Variants in RAB33B observed in about 807,000 individuals in gnomAD.
RAB33B encodes RAB33B, member RAS oncogene family, also known as ras-related protein Rab-33B.
A neutral mutation model predicts 15.0 loss-of-function variants in RAB33B; 6 were observed. That is an observed-to-expected ratio of 0.40 (90% confidence interval 0.22 to 0.79). RAB33B has a LOEUF of 0.79. Ranked by LOEUF, RAB33B falls within the 30% of genes least tolerant of loss-of-function variation. The pLI, the probability that RAB33B is intolerant of heterozygous loss-of-function variation, is 0.37. For synonymous variants in RAB33B, 117 were observed against 108.3 expected (o/e 1.08, Z -0.50); for missense variants, 257 against 296.4 (o/e 0.87, Z 0.98).
At chr4:139,472,014 GAT>G (rs1750401712) in intron 1 of RAB33B, among the ~76,000 whole-genome samples, 1 of 152,122 alleles carries the variant, frequency 6.6e-6, no homozygotes, top group African/African-American at 2.4e-5. Context: ...GTTGACCATA[GAT>G]ATATGGGTTC....
Position 139,473,169 on chromosome 4 carries a change from A to G in RAB33B, c.*43A>G. ...ATTATCTAATTTTGACTAAAGAAATACTTTTGAAGTATGACAGTATTAAGT... is the reference window on the plus strand; with the variant it reads ...ATTATCTAATTTTGACTAAAGAAATGCTTTTGAAGTATGACAGTATTAAGT... On this transcript the variant is annotated 3_prime_UTR_variant, in exon 2 of 2. Transcript: ENST00000305626. 1.4e-6 allele frequency: 2 copies of G among 1,473,816 alleles called. No homozygotes were observed. Among genetic ancestry groups the G allele is most frequent in the Non-Finnish European group, 9.1e-7 (1 of 1,095,374 alleles). The allele number at this position is 1,473,816 out of a possible 1,614,324, so 91.3% of individuals were successfully genotyped here.
At chr4:139,465,081 C>G (rs1205279410) in intron 1 of RAB33B, among the ~76,000 whole-genome samples, 1 of 152,324 alleles carries the variant, frequency 6.6e-6, no homozygotes, top group Admixed American at 6.5e-5. Flanking sequence ...GATCGCCATT[C>G]TAACTGGTGT....
chr4:139,470,310 A>C (rs1214623636), intron 1 of RAB33B, among the ~76,000 whole-genome samples: 2 of 152,100 alleles, frequency 1.3e-5, no homozygotes, highest in African/African-American at 4.8e-5. Context: ...AAGACAGAGG[A>C]GCTTCCCACT....
intron 1 of RAB33B, among the ~76,000 whole-genome samples, chr4:139,471,776 G>A (rs184195808): frequency 1.3e-5 from 2 of 152,162 alleles, no homozygotes; most frequent in East Asian, 3.9e-4. Flanking sequence ...TCCTTTGATT[G>A]CTTTTACTTT....
chr4:139,441,223 G>C, the RAB33B span, among the ~76,000 whole-genome samples: 2 of 152,162 alleles, frequency 1.3e-5, no homozygotes, highest in African/African-American at 4.8e-5. Context: ...ACAACTACAT[G>C]ATCACTTTCA....
intron 1 of RAB33B, among the ~76,000 whole-genome samples, chr4:139,459,458 C>G (rs1357350417): frequency 6.6e-6 from 1 of 151,926 alleles, no homozygotes; most frequent in Admixed American, 6.6e-5. Context: ...AAAGAGTCTC[C>G]TCACACCTCC....
At chr4:139,461,784 A>T (rs1010006259) in intron 1 of RAB33B, among the ~76,000 whole-genome samples, 1 of 151,910 alleles carries the variant, frequency 6.6e-6, no homozygotes, top group Non-Finnish European at 1.5e-5. Flanking sequence ...TTTAAAAAAA[A>T]TTTTGACCAG....
intron 1 of RAB33B, among the ~76,000 whole-genome samples, chr4:139,470,355 T>C (rs544212443): frequency 1.6e-3 from 247 of 152,352 alleles, no homozygotes; most frequent in African/African-American, 5.7e-3. Flanking sequence ...TGAGGAGTAC[T>C]GCCAGACTAC....
At chr4:139,457,033 CT>C in intron 1 of RAB33B, among the ~76,000 whole-genome samples, 1 of 152,126 alleles carries the variant, frequency 6.6e-6, no homozygotes, top group Non-Finnish European at 1.5e-5. Context: ...TATTACTTTA[CT>C]AGTAAAATGC....
chr4:139,448,581 T>G (rs1381640131), upstream of RAB33B: 1 of 152,158 alleles, frequency 6.6e-6, no homozygotes, highest in African/African-American at 2.4e-5. Context: ...ATTACAGGCA[T>G]GCACCACCAT....
At chr4:139,461,485 A>G (rs1750169543) in intron 1 of RAB33B, among the ~76,000 whole-genome samples, 1 of 152,176 alleles carries the variant, frequency 6.6e-6, no homozygotes, top group South Asian at 2.1e-4. Flanking sequence ...AGGGTTGCAT[A>G]TATTAAATAA....
chr4:139,467,833 G>A (rs1038192780), intron 1 of RAB33B, among the ~76,000 whole-genome samples: 1 of 151,114 alleles, frequency 6.6e-6, no homozygotes, highest in African/African-American at 2.4e-5. Flanking sequence ...ATTCCAGCCT[G>A]GGCAATAGAG....
the RAB33B span, among the ~76,000 whole-genome samples, chr4:139,441,652 T>C: frequency 6.6e-6 from 1 of 152,238 alleles, no homozygotes; most frequent in African/African-American, 2.4e-5. Context: ...AAACACACTT[T>C]TGACATATTA....
chr4:139,474,209 C>T lies in RAB33B; in HGVS notation c.*1083C>T, dbSNP rs1007643674. ...TGAGTCACTGCACCCAGCCGAGTTG[C>T]TTTCTTACTAAATCCTATTAAAATA... On this transcript the variant is annotated 3_prime_UTR_variant, in exon 2 of 2. Transcript: ENST00000305626. The T allele has an allele frequency of 6.6e-6, 1 of 152,006 alleles. No homozygotes were observed. Among genetic ancestry groups the T allele is most frequent in the Non-Finnish European group, 1.5e-5 (1 of 68,004 alleles). The allele number at this position is 152,006 out of a possible 1,614,324, so 9.4% of individuals were successfully genotyped here.
chr4:139,448,885 T>TTAGTGTGTGC (rs1243215474), upstream of RAB33B: 1 of 152,324 alleles, frequency 6.6e-6, no homozygotes, highest in Non-Finnish European at 1.5e-5. Context: ...CAAGTGTGTG[T>TTAGTGTGTGC]TAGTGTGTGC....
chr4:139,458,330 G>A (rs1181438386), intron 1 of RAB33B, among the ~76,000 whole-genome samples: 1 of 152,034 alleles, frequency 6.6e-6, no homozygotes, highest in Admixed American at 6.6e-5. Flanking sequence ...ACATGTGCAG[G>A]TTTATTGTAT....
chr4:139,450,585 A>C (rs1228936326), upstream of RAB33B: 1 of 152,220 alleles, frequency 6.6e-6, no homozygotes, highest in East Asian at 1.9e-4. Flanking sequence ...TACTGGGTAG[A>C]AGCCAGGGAT....
intron 1 of RAB33B, among the ~76,000 whole-genome samples, chr4:139,470,548 C>T (rs115454340): frequency 7.3e-4 from 111 of 152,174 alleles, no homozygotes; most frequent in African/African-American, 2.0e-3. Flanking sequence ...CATGCTGGTA[C>T]CAAAGGTACA....
chr4:139,449,018 T>A (rs951691961), upstream of RAB33B: 1 of 152,210 alleles, frequency 6.6e-6, no homozygotes, highest in Non-Finnish European at 1.5e-5. Flanking sequence ...AATCTCTAGA[T>A]CCTGCCTTAT....
Sources: allele counts gnomAD v4.1 joint callset (sites outside exome capture counted in the v4.1 genomes callset), GRCh38; gene constraint gnomAD v4.1.1; transcripts MANE v1.5; gene names NCBI Gene and HGNC (gene_info 2026-07-23, HGNC 2026-07-21).